Variants in CDK13 observed in about 807,000 individuals in gnomAD.
CDK13 encodes the protein cyclin-dependent kinase 13.
CDK13 carries 40 observed loss-of-function variants against 137.6 expected under a neutral mutation model. That is an observed-to-expected ratio of 0.29 (90% CI 0.23 to 0.38). The LOEUF (loss-of-function observed/expected upper bound fraction) is 0.38, where lower values mean the gene tolerates loss of function less well. Among genes scored for constraint, CDK13 ranks in the 10% least tolerant of loss-of-function variants. The probability of loss-of-function intolerance (pLI) is 1.00; values close to 1 mark genes in which losing one functional copy is unlikely to be tolerated. For missense variants in CDK13, 1,704 were observed against 1,951.8 expected, an observed-to-expected ratio of 0.87 and a Z score of 2.39; for synonymous variants, 869 against 760.1, an observed-to-expected ratio of 1.14 and a Z score of -2.36.
chr7:40,065,987 C>T (rs1786271306), intron 9 of CDK13, among the ~76,000 whole-genome samples: 1 of 152,054 alleles, frequency 6.6e-6, no homozygotes, highest in Non-Finnish European at 1.5e-5. Context: ...GAGTTTTAGA[C>T]CAGCCTGAGC....
rs528621385 is a variant in CDK13, at chr7:40,047,942, T to G, written c.2600+65T>G. 4.1e-6 allele frequency: 4 copies of G among 978,646 alleles called. No individual in the cohort carries two copies. In the South Asian group the frequency reaches 5.7e-5, roughly 14 times the overall value. 60.6% of individuals were successfully genotyped at this position (978,646 alleles called of 1,614,324 possible). On this transcript the variant is annotated intron_variant, in intron 7 of 13. Coordinates refer to ENST00000181839, the MANE Select transcript of CDK13 (RefSeq NM_003718.5). ...TTAGTATTAGAAGCTATACTAAGAATACCTTATTGATAGTTTTATTTTTTA... is the reference window on the plus strand; with the variant it reads ...TTAGTATTAGAAGCTATACTAAGAAGACCTTATTGATAGTTTTATTTTTTA...
chr7:40,014,330 G>T (rs193080899), intron 5 of CDK13, among the ~76,000 whole-genome samples: 4 of 151,758 alleles, frequency 2.6e-5, no homozygotes, highest in Admixed American at 6.6e-5. Flanking sequence ...GCCTCCCAAA[G>T]TGCTGGGATT....
At chr7:40,080,507 T>TACATGGTTG (rs1376087214) in intron 11 of CDK13, among the ~76,000 whole-genome samples, 2 of 152,182 alleles carry the variant, frequency 1.3e-5, no homozygotes, top group African/African-American at 2.4e-5. Flanking sequence ...TATTGAGCTG[T>TACATGGTTG]ACATGGTTGG....
intron 11 of CDK13, among the ~76,000 whole-genome samples, chr7:40,084,507 T>A (rs1413799746): frequency 6.6e-6 from 1 of 152,090 alleles, no homozygotes; most frequent in Non-Finnish European, 1.5e-5. Context: ...TAGAAATAAC[T>A]CCATTAATTG....
At chr7:40,071,873 A>T (rs2150532405) in intron 9 of CDK13, 1 of 152,322 alleles carries the variant, frequency 6.6e-6, no homozygotes, top group South Asian at 2.1e-4. Context: ...CTATTTGAGA[A>T]AATGTCTGGA....
intron 12 of CDK13, among the ~76,000 whole-genome samples, chr7:40,091,452 G>A (rs1786922183): frequency 6.6e-6 from 1 of 151,988 alleles, no homozygotes; most frequent in Non-Finnish European, 1.5e-5. Context: ...AACATGGGAG[G>A]CAGAGATTAC....
In CDK13 at chr7:39,999,568, T is replaced by C. The variant is rs17496345; in HGVS notation, c.2182+68T>C. On this transcript the variant is annotated intron_variant, in intron 4 of 13. Coordinates refer to ENST00000181839, the MANE Select transcript of CDK13 (RefSeq NM_003718.5). Reference sequence around the variant, plus strand: ...TACTTAGTTTGTGTTTCTCTTCTGATGTTTGGCTTCAGAAATTTTCCAAAA... The same window carrying C: ...TACTTAGTTTGTGTTTCTCTTCTGACGTTTGGCTTCAGAAATTTTCCAAAA... 7,448 of 1,443,528 alleles carry C rather than the reference T, an allele frequency of 5.2e-3. 310 individuals carry two copies. In the African/African-American group the frequency reaches 0.092, roughly 18 times the overall value. 89.4% of individuals were successfully genotyped at this position (1,443,528 alleles called of 1,614,324 possible).
At chr7:39,989,807 G>T (rs1784420562) in intron 2 of CDK13, among the ~76,000 whole-genome samples, 1 of 150,396 alleles carries the variant, frequency 6.6e-6, no homozygotes, top group African/African-American at 2.4e-5. Context: ...TTTTGAGACG[G>T]AGTCTTGCTC....
intron 5 of CDK13, 57 bp downstream of exon 5, chr7:40,002,088 T>C: frequency 2.3e-6 from 3 of 1,288,236 alleles, no homozygotes; most frequent in Non-Finnish European, 3.2e-6. Flanking sequence ...TGTTGCTAAC[T>C]TGGAAATTTT....
rs1412678396 is a variant in CDK13, at chr7:39,951,516, C to T, written c.875C>T (p.Ala292Val). 9 of 1,535,252 alleles carry T rather than the reference C, an allele frequency of 5.9e-6. No individual in the cohort carries two copies. Among genetic ancestry groups the T allele is most frequent in the East Asian group, 2.6e-5 (1 of 38,824 alleles). Residue 292 changes from alanine to valine, a missense_variant, in exon 1 of 14, where the codon GCC becomes GTC. Coordinates refer to ENST00000181839, the MANE Select transcript of CDK13 (RefSeq NM_003718.5). Reference protein sequence around the residue: ...RTKSSKEPPSAYKEPPKAYRE... With the variant: ...RTKSSKEPPSVYKEPPKAYRE... ...AAGTCGTCCAAGGAGCCGCCTTCGG[C>T]CTACAAGGAACCGCCCAAGGCCTAC... is the stretch of plus-strand genomic sequence containing the variant.
At chr7:40,065,400 GGAA>G (rs1786258320) in intron 9 of CDK13, among the ~76,000 whole-genome samples, 1 of 151,880 alleles carries the variant, frequency 6.6e-6, no homozygotes, top group Non-Finnish European at 1.5e-5. Context: ...GGACCACACT[GGAA>G]GAAGAATAGT....
In CDK13 at chr7:40,099,373, A is replaced by C. The variant is rs1787099545; in HGVS notation, c.*4393A>C. The stretch of plus-strand genomic sequence containing the variant: ...AAAATGAATTTTCTAATTGTATTCA[A>C]ATGAGGCTCTATAGTGAATACAGAA... On this transcript the variant is annotated 3_prime_UTR_variant, in exon 14 of 14. Transcript: ENST00000181839. The C allele has an allele frequency of 6.6e-6, 1 of 152,222 alleles. No homozygotes were observed. Among genetic ancestry groups the C allele is most frequent in the Admixed American group, 6.5e-5 (1 of 15,282 alleles). 9.4% of individuals were successfully genotyped at this position (152,222 alleles called of 1,614,324 possible).
intron 6 of CDK13, 24 bp from the exon 7 acceptor site, chr7:40,047,797 T>C: frequency 1.3e-6 from 2 of 1,558,014 alleles, no homozygotes; most frequent in Non-Finnish European, 1.8e-6. Flanking sequence ...ATACCTTTTG[T>C]TCATTTTGTC....
At chr7:40,009,570 C>T (rs1304853171) in intron 5 of CDK13, among the ~76,000 whole-genome samples, 1 of 152,196 alleles carries the variant, frequency 6.6e-6, no homozygotes, top group African/African-American at 2.4e-5. Context: ...TCCTTCCATT[C>T]TGAATGTCCT....
intron 5 of CDK13, among the ~76,000 whole-genome samples, chr7:40,015,351 A>T (rs1049285161): frequency 1.3e-5 from 2 of 152,208 alleles, no homozygotes; most frequent in Non-Finnish European, 2.9e-5. Flanking sequence ...TGAACAGTGC[A>T]GTAGAGCACT....
chr7:39,990,061 G>A lies in CDK13; in HGVS notation c.1871+1803G>A, dbSNP rs75548688. 2.0e-3 allele frequency among the ~76,000 whole-genome samples: 308 copies of A among 152,318 alleles called. 2 individuals carry two copies. In the East Asian group the frequency reaches 0.049, roughly 24 times the overall value. Reference sequence around the variant, plus strand: ...GGCCTCCCAAAGTGTTGGGATTACAGGCGTGAGCCACTGCGCCCAACCTAC... The same window carrying A: ...GGCCTCCCAAAGTGTTGGGATTACAAGCGTGAGCCACTGCGCCCAACCTAC... On this transcript the variant is annotated intron_variant, in intron 2 of 13. Transcript: ENST00000181839.
rs187036301 is a variant in CDK13, at chr7:40,010,348, C to T, written c.2353+8317C>T. Among the ~76,000 whole-genome samples the T allele has an allele frequency of 1.4e-4, 21 of 152,214 alleles. No individual in the cohort carries two copies. In the Middle Eastern group the frequency reaches 0.01, roughly 74 times the overall value. ...ATGCTGCTGCTGATCTGACAGAAGG[C>T]GGAGCTCAGGCAGTAATGCGAGCAG... is the stretch of plus-strand genomic sequence containing the variant. On this transcript the variant is annotated intron_variant, in intron 5 of 13. Transcript: ENST00000181839.
At chr7:40,057,864 CAGG>C (rs923130860) in intron 7 of CDK13, among the ~76,000 whole-genome samples, 1 of 152,006 alleles carries the variant, frequency 6.6e-6, no homozygotes, top group Non-Finnish European at 1.5e-5. Flanking sequence ...AGGAGAAAAA[CAGG>C]AGTTCAAATA....
chr7:39,981,181 A>G (rs927887261), intron 1 of CDK13, among the ~76,000 whole-genome samples: 3 of 152,142 alleles, frequency 2.0e-5, no homozygotes, highest in African/African-American at 7.2e-5. Flanking sequence ...AGCCTGGACA[A>G]TATGGCGAAA....
Sources: gnomAD v4.1 joint callset for allele counts (sites outside exome capture counted in the v4.1 genomes callset) on GRCh38, gnomAD v4.1.1 for gene constraint, MANE v1.5 for transcripts, NCBI Gene and HGNC (gene_info 2026-07-23, HGNC 2026-07-21) for gene names.